The following PPP1R12A variants were observed in gnomAD, a reference collection of about 807,000 sequenced individuals.
PPP1R12A encodes myosin binding subunit.
A neutral mutation model predicts 139.6 loss-of-function variants in PPP1R12A; 19 were observed. The observed-to-expected ratio is 0.14, with a 90% CI of 0.09 to 0.20. The LOEUF is 0.20. PPP1R12A is among the 10% of genes least tolerant of loss of function. PPP1R12A has a pLI of 1.00. For synonymous variants in PPP1R12A, 427 were observed against 420.6 expected (o/e 1.02, Z -0.19); for missense variants, 925 against 1,211.5 (o/e 0.76, Z 3.51).
At chr12:79,879,020 A>C (rs1883377958) in intron 1 of PPP1R12A, among the ~76,000 whole-genome samples, 1 of 152,222 alleles carries the variant, frequency 6.6e-6, no homozygotes, top group African/African-American at 2.4e-5. Context: ...TCTACAATGA[A>C]TAGTGTTTCA....
Position 79,807,245 on chromosome 12 carries a change from C to G in PPP1R12A, c.1636G>C (p.Gly546Arg). 1.3e-6 allele frequency: 2 copies of G among 1,538,160 alleles called. No individual in the cohort carries two copies. Among genetic ancestry groups the G allele is most frequent in the Non-Finnish European group, 1.8e-6 (2 of 1,135,894 alleles). ...DLKKNSSVNEGSTYHKSCSFG... is the reference protein window; with the variant it reads ...DLKKNSSVNERSTYHKSCSFG... ...TATTACCTTTTATGATACGTTGATC[C>G]TTCATTAACTGAGCTATTTTTTTTA... Residue 546 changes from glycine (G) to arginine (R), a missense_variant, in exon 12 of 25, where the codon GGA (glycine) becomes CGA (arginine). Gly to Arg is a moderately radical substitution (Grantham distance 125, BLOSUM62 -2). This residue lies in a region of PPP1R12A where 403 missense variants were observed against 463.7 expected (regional missense o/e 0.87). Transcript: ENST00000450142.
At chr12:79,777,552 C>A in intron 24 of PPP1R12A, 1 of 985,200 alleles carries the variant, frequency 1.0e-6, no homozygotes, top group Non-Finnish European at 1.2e-6. Flanking sequence ...CCTATAGAAC[C>A]CTGAGCGCTT....
At chr12:79,869,878 A>AC (rs944095283) in intron 2 of PPP1R12A, among the ~76,000 whole-genome samples, 1 of 150,974 alleles carries the variant, frequency 6.6e-6, no homozygotes. Context: ...CCAGTTTCTT[A>AC]CCCCCTGGGT....
chr12:79,804,765 C>G (rs1397201702), intron 14 of PPP1R12A, among the ~76,000 whole-genome samples: 1 of 151,696 alleles, frequency 6.6e-6, no homozygotes, highest in African/African-American at 2.4e-5. Context: ...AAGCTAGGGA[C>G]TATGCATAAT....
chr12:79,902,874 C>A (rs1885770949), intron 1 of PPP1R12A, among the ~76,000 whole-genome samples: 6 of 151,950 alleles, frequency 3.9e-5, no homozygotes, highest in Admixed American at 3.9e-4. Context: ...AATGTAGGTA[C>A]ACAACATATA....
chr12:79,926,660 T>G (rs1887863926), intron 1 of PPP1R12A, among the ~76,000 whole-genome samples: 1 of 152,182 alleles, frequency 6.6e-6, no homozygotes, highest in African/African-American at 2.4e-5. Context: ...AATATTAGTT[T>G]ACATTGTGTC....
intron 1 of PPP1R12A, among the ~76,000 whole-genome samples, chr12:79,907,895 C>T (rs1271653596): frequency 6.6e-6 from 1 of 152,134 alleles, no homozygotes; most frequent in Non-Finnish European, 1.5e-5. Flanking sequence ...AAGACCTAGC[C>T]TCTATATATT....
rs1875150028 is a variant in PPP1R12A at position 79,814,934 on chromosome 12, T to C, written c.1239+2460A>G. Reference sequence around the variant, plus strand: ...ATATAATCTTCAAAGTAAGTTATGGTGCTTGAAACTGAGAATAAAATAGTT... The same window carrying C: ...ATATAATCTTCAAAGTAAGTTATGGCGCTTGAAACTGAGAATAAAATAGTT... On this transcript the variant is annotated intron_variant, in intron 9 of 24. Coordinates refer to ENST00000450142, the MANE Select transcript of PPP1R12A (RefSeq NM_002480.3). 2.6e-5 allele frequency among the ~76,000 whole-genome samples: 4 copies of C among 151,904 alleles called. No homozygotes were observed. In the South Asian group the frequency reaches 8.3e-4, roughly 32 times the overall value.
At chr12:79,812,382 C>CTGTGTGCGTGTGTGTGTGTG (rs370114772) in intron 9 of PPP1R12A, among the ~76,000 whole-genome samples, 15 of 112,952 alleles carry the variant, frequency 1.3e-4, no homozygotes, top group South Asian at 3.0e-4. Flanking sequence ...TTGACTGACT[C>CTGTGTGCGTGTGTGTGTGTG]TGTGTGTGCG....
chr12:79,805,989 A>C (rs1383388701), intron 13 of PPP1R12A, among the ~76,000 whole-genome samples, 177 bp downstream of exon 13: 2 of 152,222 alleles, frequency 1.3e-5, no homozygotes, highest in Admixed American at 6.5e-5. Context: ...ATAGTTCAGG[A>C]ACTTAAAATT....
At chr12:79,861,686 C>A (rs765592440) in intron 2 of PPP1R12A, among the ~76,000 whole-genome samples, 14 of 152,112 alleles carry the variant, frequency 9.2e-5, no homozygotes, top group Non-Finnish European at 1.8e-4. Context: ...GCGGGTCTCA[C>A]GCCCTTGCTC....
intron 1 of PPP1R12A, among the ~76,000 whole-genome samples, chr12:79,898,019 T>C (rs1350116119): frequency 6.6e-6 from 1 of 152,234 alleles, no homozygotes; most frequent in African/African-American, 2.4e-5. Context: ...AGTGTAATAC[T>C]CTACCAGCAG....
chr12:79,913,619 C>T (rs1458459209), intron 1 of PPP1R12A, among the ~76,000 whole-genome samples: 1 of 152,190 alleles, frequency 6.6e-6, no homozygotes, highest in East Asian at 1.9e-4. Context: ...GGTCAGTCCT[C>T]TCACTTTCTT....
At chr12:79,835,844 A>G (rs772265504) in intron 3 of PPP1R12A, among the ~76,000 whole-genome samples, 14 of 152,148 alleles carry the variant, frequency 9.2e-5, no homozygotes, top group Non-Finnish European at 2.1e-4. Flanking sequence ...CAAGTACATC[A>G]TGGTCTCTGC....
At chr12:79,798,747 ATTTCT>A (rs2137032874) in intron 14 of PPP1R12A, among the ~76,000 whole-genome samples, 163 bp from the exon 15 acceptor site, 1 of 152,246 alleles carries the variant, frequency 6.6e-6, no homozygotes, top group African/African-American at 2.4e-5. Context: ...CAATCTTATA[ATTTCT>A]TTTTAGATTG....
intron 5 of PPP1R12A, among the ~76,000 whole-genome samples, chr12:79,824,228 G>C (rs1876488615): frequency 6.6e-6 from 1 of 152,088 alleles, no homozygotes; most frequent in African/African-American, 2.4e-5. Flanking sequence ...TATATCATAT[G>C]CTTTACATAA....
At chr12:79,857,812 C>T (rs1880858979) in intron 2 of PPP1R12A, among the ~76,000 whole-genome samples, 1 of 151,992 alleles carries the variant, frequency 6.6e-6, no homozygotes, top group Admixed American at 6.5e-5. Context: ...CCCAATGCTA[C>T]TATCAGTTAT....
intron 1 of PPP1R12A, among the ~76,000 whole-genome samples, chr12:79,918,399 G>C (rs1887170541): frequency 6.6e-6 from 1 of 152,114 alleles, no homozygotes; most frequent in Non-Finnish European, 1.5e-5. Flanking sequence ...TTTTACACTT[G>C]ATTTTCATTT....
At chr12:79,847,186 T>A (rs928164856) in intron 2 of PPP1R12A, among the ~76,000 whole-genome samples, 4 of 152,190 alleles carry the variant, frequency 2.6e-5, no homozygotes, top group African/African-American at 9.7e-5. Flanking sequence ...TAAACATATA[T>A]ACACCATCAC....
Sources: allele counts gnomAD v4.1 joint callset (sites outside exome capture counted in the v4.1 genomes callset), GRCh38; gene constraint gnomAD v4.1.1; regional missense constraint gnomAD v4.1.1; transcripts MANE v1.5; gene names NCBI Gene and HGNC (gene_info 2026-07-23, HGNC 2026-07-21).